KIRREL3: variants seen among roughly 807,000 people sequenced by gnomAD.
KIRREL3 encodes kin of IRRE-like protein 3.
Under a neutral mutation model 89.7 loss-of-function variants are expected in KIRREL3, and 36 were observed. That is an observed-to-expected ratio of 0.40 (90% CI 0.31 to 0.53). The LOEUF is 0.53. KIRREL3 is among the 20% of genes least tolerant of loss of function. The pLI, the probability that KIRREL3 is intolerant of heterozygous loss-of-function variation, is 0.49. For missense variants in KIRREL3, 864 were observed against 1,056.6 expected (o/e 0.82, Z 2.53); for synonymous variants, 445 against 441.4 (o/e 1.01, Z -0.10).
rs1946702926 is a variant in KIRREL3 at position 126,909,070 on chromosome 11, A to G, written c.55+91385T>C. Among the ~76,000 whole-genome samples, 4 of 151,980 alleles carry G rather than the reference A, an allele frequency of 2.6e-5. No individual in the cohort carries two copies. In the South Asian group the frequency reaches 8.3e-4, roughly 32 times the overall value. On this transcript the variant is annotated intron_variant, in intron 1 of 16. Transcript: ENST00000525144. This position sits in a 1 kb window ranked among gnomAD's most constrained non-coding sequence, Gnocchi z 4.5. Reference sequence around the variant, plus strand: ...TGTATTTTTCAAATATTGTCTATTCACTTGGTTGAATCATCTCTGAAGGTG... The same window carrying G: ...TGTATTTTTCAAATATTGTCTATTCGCTTGGTTGAATCATCTCTGAAGGTG...
intron 1 of KIRREL3, among the ~76,000 whole-genome samples, chr11:126,631,292 A>G (rs1305203412): frequency 6.6e-6 from 1 of 152,202 alleles, no homozygotes; most frequent in African/African-American, 2.4e-5. Flanking sequence ...AACCGGGTCA[A>G]AGAGTAACTA....
intron 1 of KIRREL3, among the ~76,000 whole-genome samples, chr11:126,657,016 C>T (rs987982232): frequency 3.3e-5 from 5 of 151,616 alleles, no homozygotes; most frequent in African/African-American, 9.7e-5. Flanking sequence ...CATGCCACTG[C>T]ACTCCATCCA....
At chr11:126,833,144 A>G (rs556867569) in intron 1 of KIRREL3, among the ~76,000 whole-genome samples, 4 of 152,304 alleles carry the variant, frequency 2.6e-5, no homozygotes, top group East Asian at 3.9e-4. Context: ...AACAGAAGTG[A>G]TTTGTTACCC....
chr11:126,771,495 T>C lies in KIRREL3; in HGVS notation c.56-208583A>G, dbSNP rs1364339678. ...CTTTGCATCTTTTTTGGCTTTGCTGTACAGATTGGTGCAAAAATAATCACA... is the reference window on the plus strand; with the variant it reads ...CTTTGCATCTTTTTTGGCTTTGCTGCACAGATTGGTGCAAAAATAATCACA... On this transcript the variant is annotated intron_variant, in intron 1 of 16. Transcript: ENST00000525144. The surrounding 1 kb of genome is among the most constrained non-coding windows in gnomAD (Gnocchi z 4.4). Among the ~76,000 whole-genome samples the C allele has an allele frequency of 6.6e-6, 1 of 152,182 alleles. No individual in the cohort carries two copies. The highest frequency in any genetic ancestry group is 1.5e-5 in the Non-Finnish European group (1 of 68,046).
Position 126,630,223 on chromosome 11 carries a change from C to T in KIRREL3, c.56-67311G>A, listed in dbSNP as rs565799864. The stretch of plus-strand genomic sequence containing the variant: ...TTTGGACTTCTCCAAAGGTCTGTGT[C>T]GAATGGAATATAAGCCCCCTCTCTG... On this transcript the variant is annotated intron_variant, in intron 1 of 16. Transcript: ENST00000525144. Among the ~76,000 whole-genome samples the T allele has an allele frequency of 1.3e-4, 20 of 152,202 alleles. No homozygotes were observed. The South Asian group carries it at 1.9e-3, about 14-fold the overall frequency.
intron 1 of KIRREL3, among the ~76,000 whole-genome samples, chr11:126,731,564 G>A (rs1038543387): frequency 2.6e-5 from 4 of 152,198 alleles, no homozygotes; most frequent in African/African-American, 9.7e-5. Context: ...AATGCCTAGC[G>A]CCATGTCTGG....
At position 126,705,790 on chromosome 11, in the gene KIRREL3, C is replaced by T. The variant is rs920515289; in HGVS notation, c.56-142878G>A. ...CAGAAAGAGGTGGAGGCTACCTCTC[C>T]TATTTTAGAACTGCCATGGCACTGT... On this transcript the variant is annotated intron_variant, in intron 1 of 16. Transcript: ENST00000525144. This position sits in a 1 kb window ranked among gnomAD's most constrained non-coding sequence, Gnocchi z 4.3. Among the ~76,000 whole-genome samples, 27 of 152,320 alleles carry T rather than the reference C, an allele frequency of 1.8e-4. No individual in the cohort carries two copies. The highest frequency in any genetic ancestry group is 5.8e-4 in the East Asian group (3 of 5,186).
chr11:126,497,495 C>G (rs994824119), intron 4 of KIRREL3, among the ~76,000 whole-genome samples: 1 of 152,232 alleles, frequency 6.6e-6, no homozygotes, highest in Non-Finnish European at 1.5e-5. Flanking sequence ...CCTACAGTGG[C>G]CGCAGGGCCA....
intron 1 of KIRREL3, among the ~76,000 whole-genome samples, chr11:126,858,089 C>T (rs553112252): frequency 6.1e-4 from 93 of 152,296 alleles, no homozygotes; most frequent in African/African-American, 2.0e-3. Flanking sequence ...GCCTCCTGTA[C>T]GAAGGCCAGA....
chr11:126,983,214 C>T lies in KIRREL3; in HGVS notation c.55+17241G>A, dbSNP rs1332986011. Among the ~76,000 whole-genome samples, 5 of 152,038 alleles carry T rather than the reference C, an allele frequency of 3.3e-5. No homozygotes were observed. The highest frequency in any genetic ancestry group is 7.4e-5 in the Non-Finnish European group (5 of 68,018). On this transcript the variant is annotated intron_variant, in intron 1 of 16. Transcript: ENST00000525144. The surrounding 1 kb of genome is among the most constrained non-coding windows in gnomAD (Gnocchi z 4.9). ...TATAATAACCATTTTGTACTAAGCACCTATTATTTGATAATCCCAATAGAT... is the reference window on the plus strand; with the variant it reads ...TATAATAACCATTTTGTACTAAGCATCTATTATTTGATAATCCCAATAGAT...
Position 126,424,370 on chromosome 11 carries a change from T to TC in KIRREL3, c.*209dup. ...CACTCAGCCGCAGCCTCTGTCTGTC[T>TC]CCCCACCCGCCCACCTCTGGCACAC... On this transcript the variant is annotated 3_prime_UTR_variant, in exon 17 of 17. Coordinates refer to ENST00000525144, the MANE Select transcript of KIRREL3 (RefSeq NM_032531.4). 1 of 483,206 alleles carries TC rather than the reference T, an allele frequency of 2.1e-6. No individual in the cohort carries two copies. Among genetic ancestry groups the TC allele is most frequent in the Admixed American group, 3.2e-5 (1 of 31,060 alleles). 29.9% of individuals were successfully genotyped at this position (483,206 alleles called of 1,614,324 possible).
chr11:126,558,690 C>T lies in KIRREL3; in HGVS notation c.133+4145G>A, dbSNP rs1440931797. 6.6e-6 allele frequency among the ~76,000 whole-genome samples: 1 copy of T among 152,174 alleles called. No individual in the cohort carries two copies. The highest frequency in any genetic ancestry group is 1.5e-5 in the Non-Finnish European group (1 of 68,036). On this transcript the variant is annotated intron_variant, in intron 2 of 16. Coordinates refer to ENST00000525144, the MANE Select transcript of KIRREL3 (RefSeq NM_032531.4). This position sits in a 1 kb window ranked among gnomAD's most constrained non-coding sequence, Gnocchi z 4.0. ...CTCCCCTGATACATGTGACAGCCTTCTACTCTGCCTGGGAATAGGATCAGG... is the reference window on the plus strand; with the variant it reads ...CTCCCCTGATACATGTGACAGCCTTTTACTCTGCCTGGGAATAGGATCAGG...
chr11:126,988,977 C>T (rs116419829), intron 1 of KIRREL3, among the ~76,000 whole-genome samples: 2,252 of 152,216 alleles, frequency 0.015, 48 homozygotes, highest in African/African-American at 0.051. Flanking sequence ...AAAACACTAA[C>T]GCAGCTCTTG....
chr11:126,517,820 G>A (rs1191742659), intron 4 of KIRREL3, among the ~76,000 whole-genome samples: 1 of 152,172 alleles, frequency 6.6e-6, no homozygotes, highest in Non-Finnish European at 1.5e-5. Flanking sequence ...AGGAAACTGA[G>A]ACCCAGGTTG....
At chr11:126,888,809 C>T (rs1945796354) in intron 1 of KIRREL3, among the ~76,000 whole-genome samples, 2 of 152,134 alleles carry the variant, frequency 1.3e-5, no homozygotes, top group African/African-American at 4.8e-5. Flanking sequence ...TCATTGTCGA[C>T]AGTGATTAAA....
chr11:126,552,606 G>T (rs1038112999), intron 2 of KIRREL3, among the ~76,000 whole-genome samples: 1 of 118,542 alleles, frequency 8.4e-6, no homozygotes, highest in African/African-American at 3.2e-5. Flanking sequence ...CTGTTGCTCC[G>T]GCTGAAGTGC....
chr11:126,433,003 C>T (rs1041119608), intron 13 of KIRREL3, among the ~76,000 whole-genome samples: 1 of 152,162 alleles, frequency 6.6e-6, no homozygotes, highest in East Asian at 1.9e-4. Flanking sequence ...CTCAGTCTCC[C>T]GAATAGCTGG....
At chr11:126,856,618 TA>T (rs1834050389) in intron 1 of KIRREL3, among the ~76,000 whole-genome samples, 1 of 54,548 alleles carries the variant, frequency 1.8e-5, no homozygotes, top group South Asian at 4.8e-4. Flanking sequence ...CACAGACATA[TA>T]TTTTTTTTTT....
intron 1 of KIRREL3, among the ~76,000 whole-genome samples, chr11:126,966,423 T>C (rs1339452504): frequency 6.6e-6 from 1 of 152,192 alleles, no homozygotes; most frequent in South Asian, 2.1e-4. Flanking sequence ...GGCGTATTGA[T>C]TGAGTGTGCA....
Sources: allele counts gnomAD v4.1 joint callset (sites outside exome capture counted in the v4.1 genomes callset), GRCh38; gene constraint gnomAD v4.1.1; non-coding constraint Gnocchi (gnomAD v3.1); transcripts MANE v1.5; gene names NCBI Gene and HGNC (gene_info 2026-07-23, HGNC 2026-07-21).